LANCL1: variants seen among roughly 807,000 people sequenced by gnomAD.
LANCL1 encodes glutathione S-transferase LANCL1.
In LANCL1, 50 loss-of-function variants were observed where a neutral mutation model predicts 50.6. The observed-to-expected ratio is 0.99, with a 90% CI of 0.79 to 1.25. The LOEUF (loss-of-function observed/expected upper bound fraction) is 1.25, where lower values mean the gene tolerates loss of function less well. Ranked by LOEUF, LANCL1 falls within the 50% of genes most tolerant of loss-of-function variation. The pLI is 0.00. For synonymous variants in LANCL1, 188 were observed against 178.6 expected (o/e 1.05, Z -0.42); for missense variants, 532 against 480.7 (o/e 1.11, Z -1.00).
intron 3 of LANCL1, among the ~76,000 whole-genome samples, chr2:210,470,073 G>T (rs1043296384): frequency 6.6e-6 from 1 of 151,484 alleles, no homozygotes; most frequent in African/African-American, 2.4e-5. Flanking sequence ...TGGCAATCAA[G>T]AGGAAAACTC....
chr2:210,461,290 G>A (rs929736566), intron 3 of LANCL1, among the ~76,000 whole-genome samples: 1 of 151,938 alleles, frequency 6.6e-6, no homozygotes, highest in African/African-American at 2.4e-5. Flanking sequence ...CTTTCTACTT[G>A]TCCTAACACC....
At chr2:210,455,882 G>T (rs1176431618) in intron 3 of LANCL1, among the ~76,000 whole-genome samples, 1 of 150,494 alleles carries the variant, frequency 6.6e-6, no homozygotes, top group Non-Finnish European at 1.5e-5. Flanking sequence ...TTCCAGGCAG[G>T]GATTATAAGA....
intron 3 of LANCL1, among the ~76,000 whole-genome samples, chr2:210,463,925 A>C: frequency 6.6e-6 from 1 of 152,264 alleles, no homozygotes; most frequent in East Asian, 1.9e-4. Context: ...TGTAGGCTGC[A>C]GTGGAAATGA....
chr2:210,461,093 G>A (rs1439601625), intron 3 of LANCL1, among the ~76,000 whole-genome samples: 1 of 152,106 alleles, frequency 6.6e-6, no homozygotes, highest in Non-Finnish European at 1.5e-5. Context: ...GGTGTTGGCT[G>A]TAAAAGTCAG....
rs1178759129 is a variant in LANCL1, at chr2:210,460,925, G to C, written c.200-5611C>G. Reference sequence around the variant, plus strand: ...TTCTTTTCTTCTTAATTTCAGAGCTGACTAACCAATAGAAAATAAGATGAA... The same window carrying C: ...TTCTTTTCTTCTTAATTTCAGAGCTCACTAACCAATAGAAAATAAGATGAA... On this transcript the variant is annotated intron_variant, in intron 3 of 9. Transcript: ENST00000450366. The C allele has an allele frequency of 2.0e-5, 3 of 151,960 alleles. No individual in the cohort carries two copies. The East Asian group carries it at 5.8e-4, about 29-fold the overall frequency. 9.4% of individuals were successfully genotyped at this position (151,960 alleles called of 1,614,324 possible). A position where few individuals can be genotyped will look rare whatever the true frequency, so the allele number is the denominator to read the frequency against.
In LANCL1 at chr2:210,434,570, A is replaced by G. The variant is rs1360618594; in HGVS notation, c.1124-7T>C. 1.2e-6 allele frequency: 2 copies of G among 1,611,538 alleles called. No individual in the cohort carries two copies. Among genetic ancestry groups the G allele is most frequent in the Non-Finnish European group, 1.7e-6 (2 of 1,178,256 alleles). Reference sequence around the variant, plus strand: ...TATATTGTTCCAGCCATTCCTGAAGAAAGAGAAAGAGGCAAAAGTTATTAT... The same window carrying G: ...TATATTGTTCCAGCCATTCCTGAAGGAAGAGAAAGAGGCAAAAGTTATTAT... On this transcript the variant is annotated splice_polypyrimidine_tract_variant and splice_region_variant and intron_variant, in intron 9 of 9. Coordinates refer to ENST00000450366, the MANE Select transcript of LANCL1 (RefSeq NM_006055.3).
chr2:210,435,162 C>A (rs1692883388), intron 9 of LANCL1, among the ~76,000 whole-genome samples: 1 of 152,106 alleles, frequency 6.6e-6, no homozygotes, highest in Non-Finnish European at 1.5e-5. Flanking sequence ...AAATGCCCAA[C>A]ATGTGCCTGG....
At chr2:210,475,782 G>A (rs1470315092) in intron 2 of LANCL1, among the ~76,000 whole-genome samples, 1 of 152,114 alleles carries the variant, frequency 6.6e-6, no homozygotes, top group East Asian at 1.9e-4. Context: ...TAATTTACAA[G>A]TTTCTTTTTT....
rs562578481 is a variant in LANCL1, at chr2:210,436,134, G to A, written c.1050+82C>T. 6.5e-5 allele frequency: 80 copies of A among 1,236,712 alleles called. No homozygotes were observed. In the African/African-American group the frequency reaches 6.8e-4, roughly 11 times the overall value. The allele number at this position is 1,236,712 out of a possible 1,614,324, so 76.6% of individuals were successfully genotyped here. A position where few individuals can be genotyped will look rare whatever the true frequency, so the allele number is the denominator to read the frequency against. On this transcript the variant is annotated intron_variant, in intron 8 of 9. Coordinates refer to ENST00000450366, the MANE Select transcript of LANCL1 (RefSeq NM_006055.3). Reference sequence around the variant, plus strand: ...TCGAACTCCTGACCTCAGGTGATCCGCCTGCCTCAGCCTCCCAAAGTGCTG... The same window carrying A: ...TCGAACTCCTGACCTCAGGTGATCCACCTGCCTCAGCCTCCCAAAGTGCTG...
intron 4 of LANCL1, among the ~76,000 whole-genome samples, chr2:210,453,746 A>C (rs186891090): frequency 1.8e-4 from 27 of 152,290 alleles, no homozygotes; most frequent in African/African-American, 5.1e-4. Flanking sequence ...ATTAAAAGGT[A>C]GTCTCTGTGT....
intron 6 of LANCL1, among the ~76,000 whole-genome samples, chr2:210,438,356 A>T (rs1293725438): frequency 1.3e-5 from 2 of 152,106 alleles, no homozygotes; most frequent in African/African-American, 2.4e-5. Flanking sequence ...GCTGGTTTTG[A>T]ATTCCTGACC....
At chr2:210,441,500 A>G in intron 4 of LANCL1, 57 bp from the exon 5 acceptor site, 1 of 1,466,900 alleles carries the variant, frequency 6.8e-7, no homozygotes, top group Non-Finnish European at 9.3e-7. Context: ...ATTGGTGTAT[A>G]CTTAAAAATG....
Position 210,434,451 on chromosome 2 carries a change from G to T in LANCL1, c.*36C>A. On this transcript the variant is annotated 3_prime_UTR_variant, in exon 10 of 10. Coordinates refer to ENST00000450366, the MANE Select transcript of LANCL1 (RefSeq NM_006055.3). ...AGCTTGGGTTTGAATATACAGAAAG[G>T]GTCATGCAGTGAGTTGCAGGTGGCA... The T allele has an allele frequency of 1.9e-6, 3 of 1,540,500 alleles. No individual in the cohort carries two copies. Among genetic ancestry groups the T allele is most frequent in the South Asian group, 2.3e-5 (2 of 87,912 alleles).
intron 3 of LANCL1, among the ~76,000 whole-genome samples, chr2:210,461,818 A>G (rs200995814): frequency 6.6e-6 from 1 of 152,114 alleles, no homozygotes; most frequent in African/African-American, 2.4e-5. Flanking sequence ...TGGGAAAAAA[A>G]ATGAAATAAG....
intron 4 of LANCL1, among the ~76,000 whole-genome samples, chr2:210,445,194 T>C: frequency 6.6e-6 from 1 of 152,188 alleles, no homozygotes; most frequent in East Asian, 1.9e-4. Flanking sequence ...TACTGTTCTA[T>C]GGAAGTATTA....
At chr2:210,468,388 T>C (rs1158802152) in intron 3 of LANCL1, 1 of 152,152 alleles carries the variant, frequency 6.6e-6, no homozygotes, top group Non-Finnish European at 1.5e-5. Flanking sequence ...ACTGTCCAAA[T>C]GCCTTGTGCA....
chr2:210,440,738 C>T lies in LANCL1; in HGVS notation c.550G>A (p.Glu184Lys), dbSNP rs759633804. The T allele has an allele frequency of 6.2e-7, 1 of 1,612,752 alleles. No homozygotes were observed. Among genetic ancestry groups the T allele is most frequent in the Non-Finnish European group, 8.5e-7 (1 of 1,179,470 alleles). The change falls in exon 6 of 10, where the codon GAA becomes AAA. Residue 184 changes from glutamate to lysine, a missense_variant. By Grantham distance (56) the Glu-to-Lys change is moderately conservative. Coordinates refer to ENST00000450366, the MANE Select transcript of LANCL1 (RefSeq NM_006055.3). ...IPQSHIQQIC[E>K]TILTSGENLA... ...TTTTCTCCAGAGGTTAAAATTGTTTCACAAATCTACAGGGAGAAAACCAAC... is the reference window on the plus strand; with the variant it reads ...TTTTCTCCAGAGGTTAAAATTGTTTTACAAATCTACAGGGAGAAAACCAAC...
chr2:210,439,369 A>G (rs1272143604), intron 6 of LANCL1, among the ~76,000 whole-genome samples: 4 of 152,218 alleles, frequency 2.6e-5, no homozygotes, highest in South Asian at 4.2e-4. Flanking sequence ...TCACTAACCA[A>G]CTATGTCTCC....
chr2:210,455,682 T>A (rs1217663327), intron 3 of LANCL1, among the ~76,000 whole-genome samples: 1 of 152,190 alleles, frequency 6.6e-6, no homozygotes. Flanking sequence ...GGGTTCCAAA[T>A]AAATGTAATT....
Sources: allele counts gnomAD v4.1 joint callset (sites outside exome capture counted in the v4.1 genomes callset), GRCh38; gene constraint gnomAD v4.1.1; transcripts MANE v1.5; gene names NCBI Gene and HGNC (gene_info 2026-07-23, HGNC 2026-07-21).